The following GPC6 variants were observed in gnomAD, a reference collection of about 807,000 sequenced individuals.
The protein encoded by GPC6 is glypican-6.
A neutral mutation model predicts 55.2 loss-of-function variants in GPC6; 14 were observed. That is an observed-to-expected ratio of 0.25 (90% CI 0.17 to 0.40). The LOEUF is 0.40. Ranked by LOEUF, GPC6 falls within the 10% of genes least tolerant of loss-of-function variation. The pLI is 1.00. For synonymous variants in GPC6, 278 were observed against 259.6 expected, an observed-to-expected ratio of 1.07 and a Z score of -0.68; for missense variants, 641 against 708.5, an observed-to-expected ratio of 0.90 and a Z score of 1.08.
intron 3 of GPC6, among the ~76,000 whole-genome samples, chr13:93,875,921 C>A (rs1889277846): frequency 1.3e-5 from 2 of 152,126 alleles, no homozygotes; most frequent in Non-Finnish European, 2.9e-5. Flanking sequence ...TTAATAACAT[C>A]TTTCTAACAA....
At chr13:93,266,280 A>C (rs17300031) in intron 1 of GPC6, among the ~76,000 whole-genome samples, 9,440 of 152,196 alleles carry the variant, frequency 0.062, 323 homozygotes, top group Non-Finnish European at 0.076. Context: ...CTGGTTGTGA[A>C]TTTTTTATGC....
At chr13:94,391,837 T>C (rs1466447791) in intron 7 of GPC6, among the ~76,000 whole-genome samples, 1 of 152,168 alleles carries the variant, frequency 6.6e-6, no homozygotes, top group Non-Finnish European at 1.5e-5. Context: ...ACCATTCTAT[T>C]TTCTGTCTCT....
At chr13:93,666,957 T>G (rs1022052541) in intron 2 of GPC6, among the ~76,000 whole-genome samples, 4 of 152,158 alleles carry the variant, frequency 2.6e-5, no homozygotes, top group African/African-American at 9.6e-5. Context: ...TTGAAGACAT[T>G]AGAAATATGG....
rs546900268 is a variant in GPC6, at chr13:93,493,614, T to G, written c.161-51649T>G. Among the ~76,000 whole-genome samples the G allele has an allele frequency of 4.3e-5, 6 of 138,130 alleles. No homozygotes were observed. In the East Asian group the frequency reaches 1.4e-3, roughly 33 times the overall value. The allele number at this position is 138,130 out of a possible 152,430, so 90.6% of individuals were successfully genotyped here. A position where few individuals can be genotyped will look rare whatever the true frequency, so the allele number is the denominator to read the frequency against. On this transcript the variant is annotated intron_variant, in intron 1 of 8. Coordinates refer to ENST00000377047, the MANE Select transcript of GPC6 (RefSeq NM_005708.5). ...CTTCTAGTTCTTTTAATTGTGATGT[T>G]AGGGTGTCAATTTTGGATCTTTCCT...
intron 1 of GPC6, among the ~76,000 whole-genome samples, chr13:93,366,301 T>G (rs148663762): frequency 0.017 from 2,550 of 152,198 alleles, 59 homozygotes; most frequent in African/African-American, 0.055. Context: ...AGATACCTTG[T>G]AGTTTAATGT....
chr13:93,972,980 TCTCTCTCTCC>T (rs1880353963), intron 3 of GPC6, among the ~76,000 whole-genome samples: 1 of 151,994 alleles, frequency 6.6e-6, no homozygotes, highest in Non-Finnish European at 1.5e-5. Context: ...TCTGTCTCTC[TCTCTCTCTCC>T]CTCTCTCAGT....
intron 4 of GPC6, among the ~76,000 whole-genome samples, chr13:94,072,722 A>G (rs1440906940): frequency 6.6e-6 from 1 of 152,240 alleles, no homozygotes; most frequent in African/African-American, 2.4e-5. Flanking sequence ...TTGCAAAGGC[A>G]CCAGTTCCTG....
chr13:93,741,521 C>A (rs186431166), intron 2 of GPC6, among the ~76,000 whole-genome samples: 1 of 152,222 alleles, frequency 6.6e-6, no homozygotes, highest in East Asian at 1.9e-4. Flanking sequence ...GCTCATCTCA[C>A]ATATTTTCTT....
intron 1 of GPC6, among the ~76,000 whole-genome samples, chr13:93,313,362 GC>G (rs1879138598): frequency 6.6e-6 from 1 of 151,920 alleles, no homozygotes; most frequent in Admixed American, 6.6e-5. Context: ...ACATTTGTAT[GC>G]TTTTCTTTTG....
At chr13:94,371,850 T>C (rs369958542) in intron 6 of GPC6, among the ~76,000 whole-genome samples, 1 of 152,216 alleles carries the variant, frequency 6.6e-6, no homozygotes, top group African/African-American at 2.4e-5. Flanking sequence ...TATCCCTAAG[T>C]ATCTCAGCGT....
At chr13:94,377,988 T>C (rs1192471667) in intron 6 of GPC6, among the ~76,000 whole-genome samples, 5 of 152,066 alleles carry the variant, frequency 3.3e-5, no homozygotes, top group African/African-American at 7.2e-5. Flanking sequence ...TAAGTGGGAA[T>C]TGAACAATGA....
intron 3 of GPC6, among the ~76,000 whole-genome samples, chr13:93,835,438 G>C (rs184212078): frequency 6.6e-6 from 1 of 152,120 alleles, no homozygotes; most frequent in Non-Finnish European, 1.5e-5. Context: ...CTGGGCAACA[G>C]AGCCAGACCC....
At chr13:93,361,815 A>T (rs2139178224) in intron 1 of GPC6, among the ~76,000 whole-genome samples, 1 of 152,280 alleles carries the variant, frequency 6.6e-6, no homozygotes, top group South Asian at 2.1e-4. Context: ...ACCCGACTTC[A>T]GTAAGGGCAA....
At chr13:93,340,022 C>CTTT (rs1555292175) in intron 1 of GPC6, among the ~76,000 whole-genome samples, 10 of 84,466 alleles carry the variant, frequency 1.2e-4, no homozygotes, top group Non-Finnish European at 1.8e-4. Context: ...CAAAAGTTTT[C>CTTT]TTTCTTTTTT....
intron 1 of GPC6, among the ~76,000 whole-genome samples, chr13:93,502,619 G>A (rs1880563179): frequency 6.6e-6 from 1 of 152,134 alleles, no homozygotes; most frequent in African/African-American, 2.4e-5. Flanking sequence ...AACACTGGAA[G>A]AATATTTCTT....
intron 1 of GPC6, among the ~76,000 whole-genome samples, chr13:93,518,596 G>C (rs145154997): frequency 3.0e-4 from 45 of 152,052 alleles, no homozygotes; most frequent in African/African-American, 1.0e-3. Context: ...TAAACATCAA[G>C]TTTTCTCATA....
At chr13:94,227,197 G>T (rs1293427124) in intron 4 of GPC6, among the ~76,000 whole-genome samples, 1 of 152,098 alleles carries the variant, frequency 6.6e-6, no homozygotes, top group African/African-American at 2.4e-5. Context: ...AATTATAATT[G>T]TAGCCATTTC....
At chr13:93,445,579 T>C (rs551439019) in intron 1 of GPC6, among the ~76,000 whole-genome samples, 1 of 152,316 alleles carries the variant, frequency 6.6e-6, no homozygotes, top group African/African-American at 2.4e-5. Context: ...CCTGCAGCAA[T>C]CTGCAGAGCA....
At chr13:93,891,691 T>C (rs1244670805) in intron 3 of GPC6, among the ~76,000 whole-genome samples, 1 of 152,078 alleles carries the variant, frequency 6.6e-6, no homozygotes, top group Non-Finnish European at 1.5e-5. Context: ...TATATACACA[T>C]TTACAATGTG....
Sources: gnomAD v4.1 joint callset for allele counts (sites outside exome capture counted in the v4.1 genomes callset) on GRCh38, gnomAD v4.1.1 for gene constraint, MANE v1.5 for transcripts, NCBI Gene and HGNC (gene_info 2026-07-23, HGNC 2026-07-21) for gene names.